The following IGSF10 variants were observed in gnomAD, a reference collection of about 807,000 sequenced individuals.
The protein encoded by IGSF10 is immunoglobulin superfamily member 10, also known as calvaria mechanical force protein 608.
In IGSF10, 126 loss-of-function variants were observed where a neutral mutation model predicts 128.2. The ratio of observed to expected loss-of-function variants is 0.98; its 90% CI spans 0.85 to 1.14. The LOEUF (loss-of-function observed/expected upper bound fraction) is 1.14, where lower values mean the gene tolerates loss of function less well. Ranked by LOEUF, IGSF10 falls within the 50% of genes most tolerant of loss-of-function variation. The pLI is 0.00. For missense variants in IGSF10, 3,295 were observed against 3,149.8 expected, an observed-to-expected ratio of 1.05 and a Z score of -1.10; for synonymous variants, 1,185 against 1,146.2, an observed-to-expected ratio of 1.03 and a Z score of -0.68.
chr3:151,458,481 C>A, intron 3 of IGSF10, 35 bp downstream of exon 3: 1 of 1,535,590 alleles, frequency 6.5e-7, no homozygotes, highest in South Asian at 1.2e-5. Context: ...CGACTGATCC[C>A]TCTTTGAGAA....
At chr3:151,530,507 C>T in the IGSF10 span, among the ~76,000 whole-genome samples, 1 of 152,164 alleles carries the variant, frequency 6.6e-6, no homozygotes, top group South Asian at 2.1e-4. Flanking sequence ...AACAGTGAAT[C>T]TCTTGGCAGA....
At chr3:151,615,853 C>CTA in the IGSF10 span, among the ~76,000 whole-genome samples, 1,693 of 152,018 alleles carry the variant, frequency 0.011, 31 homozygotes, top group African/African-American at 0.039. Context: ...AAGCATTTAA[C>CTA]TATCAACTGT....
chr3:151,609,142 A>T, the IGSF10 span, among the ~76,000 whole-genome samples: 1 of 152,164 alleles, frequency 6.6e-6, no homozygotes, highest in Admixed American at 6.5e-5. Context: ...CATGTAATAC[A>T]TGGGGGAAAG....
the IGSF10 span, among the ~76,000 whole-genome samples, chr3:151,533,823 A>T: frequency 6.6e-6 from 1 of 152,124 alleles, no homozygotes; most frequent in African/African-American, 2.4e-5. Context: ...TTAAACTAAT[A>T]AGCTACTTCA....
chr3:151,508,062 GA>G, the IGSF10 span, among the ~76,000 whole-genome samples: 1 of 151,856 alleles, frequency 6.6e-6, no homozygotes. Flanking sequence ...TTTTCACTAG[GA>G]ATTTGGCTAC....
At chr3:151,511,292 G>T in the IGSF10 span, among the ~76,000 whole-genome samples, 2 of 152,344 alleles carry the variant, frequency 1.3e-5, no homozygotes, top group African/African-American at 4.8e-5. Flanking sequence ...AAAGCCAGAA[G>T]AGAGTGGGGG....
chr3:151,435,994 A>AT (rs1720139674), downstream of IGSF10: 1 of 152,202 alleles, frequency 6.6e-6, no homozygotes, highest in Admixed American at 6.5e-5. Context: ...GTTTCATTGT[A>AT]TTTTTAAAAC....
At chr3:151,498,752 C>T in the IGSF10 span, among the ~76,000 whole-genome samples, 1 of 152,052 alleles carries the variant, frequency 6.6e-6, no homozygotes, top group African/African-American at 2.4e-5. Flanking sequence ...ATAAGGATGT[C>T]CTGCTGGGCA....
chr3:151,510,047 G>C, the IGSF10 span, among the ~76,000 whole-genome samples: 1 of 152,222 alleles, frequency 6.6e-6, no homozygotes, highest in Non-Finnish European at 1.5e-5. Context: ...CCACCTCTGG[G>C]GGCAGGGCAC....
At chr3:151,512,325 A>G in the IGSF10 span, among the ~76,000 whole-genome samples, 2 of 152,280 alleles carry the variant, frequency 1.3e-5, no homozygotes, top group African/African-American at 2.4e-5. Flanking sequence ...AAACCGCTCA[A>G]CTACATGGAA....
At chr3:151,482,534 A>G in the IGSF10 span, among the ~76,000 whole-genome samples, 3 of 152,208 alleles carry the variant, frequency 2.0e-5, no homozygotes, top group Non-Finnish European at 4.4e-5. Flanking sequence ...TAAAGGAATA[A>G]AGACAGTCTA....
chr3:151,501,136 T>A, the IGSF10 span, among the ~76,000 whole-genome samples: 3 of 152,070 alleles, frequency 2.0e-5, no homozygotes, highest in African/African-American at 7.2e-5. Flanking sequence ...ACCAAAAAGA[T>A]CTGTCCCAAA....
the IGSF10 span, among the ~76,000 whole-genome samples, chr3:151,539,654 A>G: frequency 3.3e-5 from 5 of 152,054 alleles, no homozygotes; most frequent in African/African-American, 1.2e-4. Context: ...CTGTAATCCG[A>G]CCACCCCCAC....
chr3:151,505,715 T>A, the IGSF10 span, among the ~76,000 whole-genome samples: 1 of 152,288 alleles, frequency 6.6e-6, no homozygotes, highest in African/African-American at 2.4e-5. Context: ...CCCAAATTAG[T>A]CTTTTCTAGG....
the IGSF10 span, among the ~76,000 whole-genome samples, chr3:151,570,117 C>A: frequency 6.6e-6 from 1 of 152,204 alleles, no homozygotes; most frequent in Non-Finnish European, 1.5e-5. Flanking sequence ...GCCACATTTT[C>A]TTAATCCAGT....
At chr3:151,590,842 A>T in the IGSF10 span, among the ~76,000 whole-genome samples, 1 of 152,226 alleles carries the variant, frequency 6.6e-6, no homozygotes, top group East Asian at 1.9e-4. Context: ...AGCAATAGGG[A>T]TCACTAAGAA....
At chr3:151,613,458 T>C in the IGSF10 span, among the ~76,000 whole-genome samples, 91 of 152,298 alleles carry the variant, frequency 6.0e-4, no homozygotes, top group African/African-American at 2.1e-3. Flanking sequence ...AACAGCATGG[T>C]ACTGGTACCA....
the IGSF10 span, among the ~76,000 whole-genome samples, chr3:151,613,518 A>C: frequency 1.3e-5 from 2 of 150,760 alleles, no homozygotes; most frequent in Admixed American, 1.3e-4. Context: ...AGAAATAATG[A>C]CACATATCTA....
Position 151,438,069 on chromosome 3 carries a change from C to T in IGSF10, c.6492G>A (p.Glu2164=), listed in dbSNP as rs1720528569. 1.2e-6 allele frequency: 2 copies of T among 1,614,064 alleles called. No individual in the cohort carries two copies. Among genetic ancestry groups the T allele is most frequent in the Non-Finnish European group, 1.7e-6 (2 of 1,180,032 alleles). Residue 2164 remains glutamate (E), a synonymous_variant, in exon 8 of 8, where the codon GAG becomes GAA. Coordinates refer to ENST00000282466, the MANE Select transcript of IGSF10 (RefSeq NM_178822.5). ...KAGDTAVLDC[E]VTGDPKPKIF... ...TTTTTGGTTTGGGATCCCCAGTGAC[C>T]TCACAGTCAAGGACAGCTGTGTCTC... is the stretch of plus-strand genomic sequence containing the variant.
Sources: gnomAD v4.1 joint callset for allele counts (sites outside exome capture counted in the v4.1 genomes callset) on GRCh38, gnomAD v4.1.1 for gene constraint, MANE v1.5 for transcripts, NCBI Gene and HGNC (gene_info 2026-07-23, HGNC 2026-07-21) for gene names.